GRIN2A: variants seen among roughly 807,000 people sequenced by gnomAD.
The protein encoded by GRIN2A is glutamate receptor ionotropic, NMDA 2A.
In GRIN2A, 22 loss-of-function variants were observed where a neutral mutation model predicts 113.4. The observed-to-expected ratio is 0.19, with a 90% confidence interval of 0.14 to 0.28. The LOEUF is 0.28. Among genes scored for constraint, GRIN2A ranks in the 10% least tolerant of loss-of-function variants. The pLI is 1.00. For missense variants in GRIN2A, 1,502 were observed against 1,887.0 expected (o/e 0.80, Z 3.78); for synonymous variants, 827 against 738.4 (o/e 1.12, Z -1.94).
intron 2 of GRIN2A, among the ~76,000 whole-genome samples, chr16:10,151,641 C>G (rs752753173): frequency 6.6e-6 from 1 of 152,194 alleles, no homozygotes; most frequent in Admixed American, 6.5e-5. Context: ...TCATATCAGG[C>G]TGGAAAATTA....
At chr16:9,872,782 A>T (rs540334532) in intron 4 of GRIN2A, among the ~76,000 whole-genome samples, 3 of 152,180 alleles carry the variant, frequency 2.0e-5, no homozygotes, top group African/African-American at 7.2e-5. Flanking sequence ...CAGCACTTAG[A>T]GAGGCCAAGT....
chr16:9,768,006 C>T (rs1462381007), intron 12 of GRIN2A, among the ~76,000 whole-genome samples: 1 of 152,180 alleles, frequency 6.6e-6, no homozygotes, highest in Non-Finnish European at 1.5e-5. Context: ...TGATGGGAGC[C>T]ACAGGCTGGC....
chr16:10,075,670 G>T (rs2047857954), intron 2 of GRIN2A, among the ~76,000 whole-genome samples: 1 of 151,984 alleles, frequency 6.6e-6, no homozygotes, highest in Non-Finnish European at 1.5e-5. Context: ...CACCCTACAG[G>T]GCACCTTGAT....
At chr16:10,105,896 G>A (rs1275477543) in intron 2 of GRIN2A, among the ~76,000 whole-genome samples, 2 of 152,178 alleles carry the variant, frequency 1.3e-5, no homozygotes, top group African/African-American at 4.8e-5. Flanking sequence ...GACAAGGCAA[G>A]ACTCTATCTC....
At chr16:10,040,512 A>C (rs1054471900) in intron 2 of GRIN2A, among the ~76,000 whole-genome samples, 2 of 150,900 alleles carry the variant, frequency 1.3e-5, no homozygotes, top group African/African-American at 4.9e-5. Context: ...TCCACACCAC[A>C]AACACACATC....
intron 2 of GRIN2A, among the ~76,000 whole-genome samples, chr16:10,081,526 T>C (rs567723406): frequency 2.6e-5 from 4 of 152,218 alleles, no homozygotes; most frequent in Non-Finnish European, 5.9e-5. Flanking sequence ...TGATTAAAAG[T>C]ATGATTGAGG....
chr16:9,837,796 A>T (rs961244960), intron 7 of GRIN2A, among the ~76,000 whole-genome samples: 3 of 152,192 alleles, frequency 2.0e-5, no homozygotes, highest in African/African-American at 7.2e-5. Context: ...TTATTAAAAT[A>T]CGAGTATCTG....
intron 5 of GRIN2A, among the ~76,000 whole-genome samples, chr16:9,841,895 T>C (rs1265203729): frequency 2.6e-5 from 4 of 152,206 alleles, no homozygotes; most frequent in Non-Finnish European, 4.4e-5. Flanking sequence ...CCAGCCACCT[T>C]GCTGTATTCA....
intron 2 of GRIN2A, among the ~76,000 whole-genome samples, chr16:9,994,091 C>G (rs1261147656): frequency 6.6e-6 from 1 of 152,180 alleles, no homozygotes; most frequent in Non-Finnish European, 1.5e-5. Context: ...CATCTTACAT[C>G]TTTGGCACAA....
At chr16:10,150,670 C>G (rs1470572217) in intron 2 of GRIN2A, among the ~76,000 whole-genome samples, 1 of 143,060 alleles carries the variant, frequency 7.0e-6, no homozygotes, top group Non-Finnish European at 1.5e-5. Context: ...GCTGCCTATA[C>G]TCCACACGGC....
At chr16:10,120,337 C>T (rs1203208488) in intron 2 of GRIN2A, among the ~76,000 whole-genome samples, 2 of 152,208 alleles carry the variant, frequency 1.3e-5, no homozygotes, top group Non-Finnish European at 2.9e-5. Flanking sequence ...GCCCCTCCCA[C>T]AGCAAAGAAT....
intron 2 of GRIN2A, among the ~76,000 whole-genome samples, chr16:9,983,564 C>T (rs560179558): frequency 1.3e-5 from 2 of 151,312 alleles, no homozygotes; most frequent in African/African-American, 2.4e-5. Context: ...CTCAGCCTCC[C>T]GAGTAGCTAG....
chr16:10,124,801 A>G (rs780555923), intron 2 of GRIN2A, among the ~76,000 whole-genome samples: 10 of 152,212 alleles, frequency 6.6e-5, no homozygotes, highest in Non-Finnish European at 1.0e-4. Context: ...ATGAACACAT[A>G]CAAGTTAAAG....
At chr16:9,967,863 C>T (rs530435683) in intron 2 of GRIN2A, among the ~76,000 whole-genome samples, 6 of 152,202 alleles carry the variant, frequency 3.9e-5, no homozygotes, top group Non-Finnish European at 1.5e-5. Context: ...TAACCAAAAG[C>T]ACCTGTACCC....
At chr16:9,905,075 T>C (rs978493950) in intron 3 of GRIN2A, among the ~76,000 whole-genome samples, 1 of 152,238 alleles carries the variant, frequency 6.6e-6, no homozygotes, top group Non-Finnish European at 1.5e-5. Context: ...TCAAATCTAC[T>C]TCTTAGTAAA....
intron 2 of GRIN2A, among the ~76,000 whole-genome samples, chr16:10,125,728 C>A (rs2048920509): frequency 6.6e-6 from 1 of 151,818 alleles, no homozygotes; most frequent in South Asian, 2.1e-4. Flanking sequence ...GGGGAAGAGG[C>A]TGCCTTGCCT....
rs1352977162 is a variant in GRIN2A, at chr16:10,036,437, CTTTTTTTTTTTCTTTTTTTTTTTTTT to C, written c.415-97912_415-97887del. ...GCCATAATAAAAATATTAGTACTTACTTTTTTTTTTTCTTTTTTTTTTTTTTTTTTTTTTTTTTTGAGATGGATTCT... is the reference window on the plus strand; with the variant it reads ...GCCATAATAAAAATATTAGTACTTACTTTTTTTTTTTTTGAGATGGATTCT... On this transcript the variant is annotated intron_variant, in intron 2 of 12. Transcript: ENST00000330684. Among the ~76,000 whole-genome samples, 9 of 92,670 alleles carry C rather than the reference CTTTTTTTTTTTCTTTTTTTTTTTTTT, an allele frequency of 9.7e-5. 1 individual carries two copies. The highest frequency in any genetic ancestry group is 9.0e-4 in the South Asian group (3 of 3,336). 60.8% of individuals were successfully genotyped at this position (92,670 alleles called of 152,430 possible). A position where few individuals can be genotyped will look rare whatever the true frequency, so the allele number is the denominator to read the frequency against.
chr16:9,964,002 G>T (rs1248582190), intron 2 of GRIN2A, among the ~76,000 whole-genome samples: 1 of 152,190 alleles, frequency 6.6e-6, no homozygotes, highest in Non-Finnish European at 1.5e-5. Flanking sequence ...AGTAAGTGCT[G>T]TGATAGGGCA....
intron 4 of GRIN2A, among the ~76,000 whole-genome samples, chr16:9,877,730 A>C (rs1360522774): frequency 8.8e-4 from 75 of 84,816 alleles, no homozygotes; most frequent in East Asian, 1.5e-3. Context: ...TCCCTCTCCC[A>C]CCTCTCTGCC....
Sources: allele counts gnomAD v4.1 joint callset (sites outside exome capture counted in the v4.1 genomes callset), GRCh38; gene constraint gnomAD v4.1.1; transcripts MANE v1.5; gene names NCBI Gene and HGNC (gene_info 2026-07-23, HGNC 2026-07-21).